Variants in APPBP2 observed in about 807,000 individuals in gnomAD.
APPBP2 encodes amyloid protein-binding protein 2.
A neutral mutation model predicts 76.0 loss-of-function variants in APPBP2; 15 were observed. That is an observed-to-expected ratio of 0.20 (90% confidence interval 0.13 to 0.30). The LOEUF (loss-of-function observed/expected upper bound fraction) is 0.30, where lower values mean the gene tolerates loss of function less well. Ranked by LOEUF, APPBP2 falls within the 10% of genes least tolerant of loss-of-function variation. APPBP2 has a pLI of 1.00. For missense variants in APPBP2, 401 were observed against 687.2 expected, an observed-to-expected ratio of 0.58 and a Z score of 4.66; for synonymous variants, 222 against 242.2, an observed-to-expected ratio of 0.92 and a Z score of 0.77.
chr17:60,444,359 T>A lies in APPBP2; in HGVS notation c.*3222A>T, dbSNP rs961224993. On this transcript the variant is annotated 3_prime_UTR_variant, in exon 13 of 13. Transcript: ENST00000083182. ...TGTTATGAGCAAATCATTATTTCTATGTATAAAGTTTCAGCCAAAGGCTTC... is the reference window on the plus strand; with the variant it reads ...TGTTATGAGCAAATCATTATTTCTAAGTATAAAGTTTCAGCCAAAGGCTTC... 5 of 152,308 alleles carry A rather than the reference T, an allele frequency of 3.3e-5. No individual in the cohort carries two copies. Among genetic ancestry groups the A allele is most frequent in the African/African-American group, 1.2e-4 (5 of 41,386 alleles). The allele number at this position is 152,308 out of a possible 1,614,324, so 9.4% of individuals were successfully genotyped here.
At chr17:60,482,482 G>A (rs1439257038) in intron 3 of APPBP2, among the ~76,000 whole-genome samples, 1 of 152,056 alleles carries the variant, frequency 6.6e-6, no homozygotes, top group Non-Finnish European at 1.5e-5. Context: ...AAGTTCTAGG[G>A]TACATGTGCA....
chr17:60,482,807 C>T (rs1451540563), intron 3 of APPBP2, among the ~76,000 whole-genome samples: 1 of 152,104 alleles, frequency 6.6e-6, no homozygotes, highest in African/African-American at 2.4e-5. Flanking sequence ...GTATATGCAC[C>T]ACATTTTCTT....
At chr17:60,522,888 A>T (rs1345381951) in intron 1 of APPBP2, among the ~76,000 whole-genome samples, 1 of 151,764 alleles carries the variant, frequency 6.6e-6, no homozygotes, top group Non-Finnish European at 1.5e-5. Flanking sequence ...AAAAGAAAAA[A>T]CATTTCATAT....
At chr17:60,475,268 A>AACATG (rs1294374692) in intron 4 of APPBP2, among the ~76,000 whole-genome samples, 2 of 152,154 alleles carry the variant, frequency 1.3e-5, no homozygotes, top group Non-Finnish European at 2.9e-5. Context: ...ACTCAGACAT[A>AACATG]ACATGACATG....
intron 3 of APPBP2, among the ~76,000 whole-genome samples, chr17:60,481,525 G>T (rs2090628665): frequency 6.6e-6 from 1 of 152,148 alleles, no homozygotes; most frequent in African/African-American, 2.4e-5. Flanking sequence ...TTGTTGAGAA[G>T]GAGAAAATTT....
intron 1 of APPBP2, among the ~76,000 whole-genome samples, chr17:60,515,865 A>G (rs1318869395): frequency 6.6e-6 from 1 of 152,122 alleles, no homozygotes; most frequent in African/African-American, 2.4e-5. Flanking sequence ...TAAAAAGTCA[A>G]TAAGGAACAT....
chr17:60,498,912 T>C (rs577834840), intron 2 of APPBP2, among the ~76,000 whole-genome samples: 6 of 152,056 alleles, frequency 3.9e-5, no homozygotes, highest in Non-Finnish European at 5.9e-5. Context: ...ACTATACTTA[T>C]GAGGCAAAAT....
chr17:60,515,915 A>T (rs1218785706), intron 1 of APPBP2, among the ~76,000 whole-genome samples: 5 of 152,232 alleles, frequency 3.3e-5, no homozygotes, highest in Non-Finnish European at 7.3e-5. Context: ...CTGTAATCCC[A>T]ACACTCTGGG....
At chr17:60,456,675 C>T (rs992609148) in intron 9 of APPBP2, among the ~76,000 whole-genome samples, 14 of 152,086 alleles carry the variant, frequency 9.2e-5, no homozygotes, top group Non-Finnish European at 1.9e-4. Flanking sequence ...ATTCTCACAC[C>T]AACCCTCTCC....
chr17:60,511,582 GAAAAAAAAAAAAAA>G lies in APPBP2; in HGVS notation c.139-11109_139-11096del, dbSNP rs936471902. 2.7e-4 allele frequency among the ~76,000 whole-genome samples: 31 copies of G among 116,746 alleles called. No individual in the cohort carries two copies. The Admixed American group carries it at 2.9e-3, about 11-fold the overall frequency. The allele number at this position is 116,746 out of a possible 152,430, so 76.6% of individuals were successfully genotyped here. On this transcript the variant is annotated intron_variant, in intron 1 of 12. Coordinates refer to ENST00000083182, the MANE Select transcript of APPBP2 (RefSeq NM_006380.5). ...CCTGGCGACAGAGCAAGACTCCATT[GAAAAAAAAAAAAAA>G]GAAAAAGAAAAAAGAAAACACTTCC...
intron 1 of APPBP2, among the ~76,000 whole-genome samples, chr17:60,512,587 A>G (rs2090922974): frequency 6.6e-6 from 1 of 151,758 alleles, no homozygotes; most frequent in Non-Finnish European, 1.5e-5. Flanking sequence ...CTGTAATCCC[A>G]ACACTTTGGG....
rs377676361 is a variant in APPBP2 at position 60,469,173 on chromosome 17, A to G, written c.504-2714T>C. Among the ~76,000 whole-genome samples the G allele has an allele frequency of 1.5e-3, 228 of 152,126 alleles. 1 individual carries two copies. Among genetic ancestry groups the G allele is most frequent in the African/African-American group, 5.0e-3 (206 of 41,490 alleles). On this transcript the variant is annotated intron_variant, in intron 4 of 12. Coordinates refer to ENST00000083182, the MANE Select transcript of APPBP2 (RefSeq NM_006380.5). ...CCCGTCTCTACTAAAAATACAAAAA[A>G]AAATTAGCTTGGCATGGTGGTGCGT...
chr17:60,503,712 A>T (rs2090841501), intron 1 of APPBP2, among the ~76,000 whole-genome samples: 1 of 146,872 alleles, frequency 6.8e-6, no homozygotes, highest in Non-Finnish European at 1.5e-5. Flanking sequence ...TATGAATTAA[A>T]GGGGTTTTTG....
intron 1 of APPBP2, among the ~76,000 whole-genome samples, chr17:60,524,265 T>TGA (rs2091032549): frequency 6.6e-6 from 1 of 152,216 alleles, no homozygotes; most frequent in Admixed American, 6.5e-5. Context: ...TGATTTCCTC[T>TGA]GAGAGATTAC....
chr17:60,491,876 G>A (rs1369666973), intron 3 of APPBP2, among the ~76,000 whole-genome samples: 3 of 152,160 alleles, frequency 2.0e-5, no homozygotes, highest in Non-Finnish European at 2.9e-5. Context: ...CATGAGTAAC[G>A]AGCAGCCAAA....
At chr17:60,466,975 C>A (rs993388094) in intron 4 of APPBP2, among the ~76,000 whole-genome samples, 1 of 152,018 alleles carries the variant, frequency 6.6e-6, no homozygotes. Flanking sequence ...AAATCTTTAT[C>A]CTCTATAGTA....
At position 60,446,352 on chromosome 17, in the gene APPBP2, C is replaced by T. The variant is rs1056132173; in HGVS notation, c.*1229G>A. ...AAAAATCAAATCAAAACCCAATAAA[C>T]AGAAAGACAAGTTAGTGAAATAGGT... On this transcript the variant is annotated 3_prime_UTR_variant, in exon 13 of 13. Transcript: ENST00000083182. The T allele has an allele frequency of 1.3e-5, 2 of 152,362 alleles. No homozygotes were observed. The highest frequency in any genetic ancestry group is 2.9e-5 in the Non-Finnish European group (2 of 68,012). The allele number at this position is 152,362 out of a possible 1,614,324, so 9.4% of individuals were successfully genotyped here. A position where few individuals can be genotyped will look rare whatever the true frequency, so the allele number is the denominator to read the frequency against.
At chr17:60,517,749 T>G (rs573794047) in intron 1 of APPBP2, among the ~76,000 whole-genome samples, 2 of 152,328 alleles carry the variant, frequency 1.3e-5, no homozygotes, top group South Asian at 2.1e-4. Flanking sequence ...TCAATCCATG[T>G]GCCAATACCA....
intron 3 of APPBP2, among the ~76,000 whole-genome samples, chr17:60,482,275 C>A (rs1463918315): frequency 1.3e-5 from 2 of 152,050 alleles, no homozygotes; most frequent in Non-Finnish European, 2.9e-5. Flanking sequence ...ATAAATGAAT[C>A]CAAACCATTT....
Sources: gnomAD v4.1 joint callset for allele counts (sites outside exome capture counted in the v4.1 genomes callset) on GRCh38, gnomAD v4.1.1 for gene constraint, MANE v1.5 for transcripts, NCBI Gene and HGNC (gene_info 2026-07-23, HGNC 2026-07-21) for gene names.